The following LRRC31 variants were observed in gnomAD, a reference collection of about 807,000 sequenced individuals.
The protein encoded by LRRC31 is leucine-rich repeat-containing protein 31.
A neutral mutation model predicts 46.7 loss-of-function variants in LRRC31; 35 were observed. The observed-to-expected ratio is 0.75, with a 90% confidence interval of 0.57 to 0.99. The LOEUF (loss-of-function observed/expected upper bound fraction) is 0.99. LRRC31 is among the 50% of genes least tolerant of loss of function. The pLI is 0.00. For missense variants in LRRC31, 613 were observed against 626.1 expected, an observed-to-expected ratio of 0.98 and a Z score of 0.22; for synonymous variants, 236 against 235.1, an observed-to-expected ratio of 1.00 and a Z score of -0.03.
chr3:169,853,793 C>T (rs1025767324), intron 6 of LRRC31: 17 of 822,072 alleles, frequency 2.1e-5, no homozygotes, highest in Non-Finnish European at 2.3e-5. Context: ...ACATATTTTA[C>T]GGTCTTCCTC....
In LRRC31 at chr3:169,868,841, A is replaced by G. The variant is rs1228820032; in HGVS notation, c.175+792T>C. 2.0e-5 allele frequency among the ~76,000 whole-genome samples: 3 copies of G among 152,144 alleles called. No homozygotes were observed. The East Asian group carries it at 5.8e-4, about 29-fold the overall frequency. ...AGTCTTAAAGTCTTTAGTTTAACCC[A>G]TAAGATCACTTTAGAAGAAAACTCT... On this transcript the variant is annotated intron_variant, in intron 1 of 8. Transcript: ENST00000316428.
intron 5 of LRRC31, 125 bp from the exon 6 acceptor site, chr3:169,855,105 G>T: frequency 1.4e-6 from 1 of 715,290 alleles, no homozygotes; most frequent in Non-Finnish European, 2.3e-6. Context: ...AGCTTGGGCA[G>T]CATAGTGAGA....
intron 3 of LRRC31, among the ~76,000 whole-genome samples, chr3:169,860,231 C>CT (rs753943562): frequency 5.0e-4 from 75 of 150,386 alleles, no homozygotes; most frequent in Admixed American, 7.9e-4. Context: ...CTTTTCTTTT[C>CT]TTTTTTTTTG....
Position 169,857,343 on chromosome 3 carries a change from T to C in LRRC31, c.488-471A>G, listed in dbSNP as rs866216472. Among the ~76,000 whole-genome samples the C allele has an allele frequency of 4.3e-3, 437 of 102,428 alleles. 12 individuals carry two copies. Among genetic ancestry groups the C allele is most frequent in the African/African-American group, 0.015 (396 of 27,186 alleles). The allele number at this position is 102,428 out of a possible 152,430, so 67.2% of individuals were successfully genotyped here. ...CTATATATATATATATATATATATA[T>C]ATACACACACACACACACACACACA... On this transcript the variant is annotated intron_variant, in intron 3 of 8. Coordinates refer to ENST00000316428, the MANE Select transcript of LRRC31 (RefSeq NM_024727.4).
intron 1 of LRRC31, among the ~76,000 whole-genome samples, chr3:169,867,311 G>A (rs1035083472): frequency 2.8e-5 from 4 of 141,264 alleles, no homozygotes; most frequent in African/African-American, 8.1e-5. Context: ...GTGCAGTGGC[G>A]CAGTGGTGCA....
chr3:169,858,328 GA>G (rs1417587511), intron 3 of LRRC31, among the ~76,000 whole-genome samples: 1 of 152,170 alleles, frequency 6.6e-6, no homozygotes, highest in Non-Finnish European at 1.5e-5. Context: ...TCCCAGGGCA[GA>G]AATTTCATTT....
At chr3:169,842,362 G>GT (rs1780477058) in intron 8 of LRRC31, among the ~76,000 whole-genome samples, 1 of 151,974 alleles carries the variant, frequency 6.6e-6, no homozygotes. Flanking sequence ...TGTTGTTTTT[G>GT]TTTTTTTGAG....
In LRRC31 at chr3:169,845,311, A is replaced by T. The variant is rs149890317; in HGVS notation, c.1327+2809T>A. 1.3e-3 allele frequency among the ~76,000 whole-genome samples: 199 copies of T among 152,356 alleles called. 1 individual carries two copies. Among genetic ancestry groups the T allele is most frequent in the African/African-American group, 4.6e-3 (191 of 41,598 alleles). On this transcript the variant is annotated intron_variant, in intron 8 of 8. Coordinates refer to ENST00000316428, the MANE Select transcript of LRRC31 (RefSeq NM_024727.4). Reference sequence around the variant, plus strand: ...TGAATTGATCTATAAATTCAATGTAATCCCAATAAAATTTCCAGATGGATT... The same window carrying T: ...TGAATTGATCTATAAATTCAATGTATTCCCAATAAAATTTCCAGATGGATT...
chr3:169,840,627 A>G (rs1342948821), intron 8 of LRRC31, among the ~76,000 whole-genome samples: 1 of 152,172 alleles, frequency 6.6e-6, no homozygotes, highest in Non-Finnish European at 1.5e-5. Context: ...GTAAAGAGTG[A>G]TGGCTCATTG....
rs565413606 is a variant in LRRC31, at chr3:169,858,741, C to T, written c.487+1820G>A. Reference sequence around the variant, plus strand: ...ACTAGAGGCTGGGCATGGTGGCTCACGCCTGTAATCCTAGCACTTTGGGAG... The same window carrying T: ...ACTAGAGGCTGGGCATGGTGGCTCATGCCTGTAATCCTAGCACTTTGGGAG... On this transcript the variant is annotated intron_variant, in intron 3 of 8. Transcript: ENST00000316428. Among the ~76,000 whole-genome samples, 9 of 152,248 alleles carry T rather than the reference C, an allele frequency of 5.9e-5. No homozygotes were observed. In the East Asian group the frequency reaches 7.7e-4, roughly 13 times the overall value.
At chr3:169,859,662 G>C (rs1781085698) in intron 3 of LRRC31, among the ~76,000 whole-genome samples, 1 of 152,166 alleles carries the variant, frequency 6.6e-6, no homozygotes, top group Admixed American at 6.5e-5. Flanking sequence ...GGAGGTTCTA[G>C]TTCTAGTTAA....
At position 169,848,231 on chromosome 3, in the gene LRRC31, A is replaced by G. The variant is rs1282441591; in HGVS notation, c.1216T>C (p.Cys406Arg). Residue 406 changes from cysteine (C) to arginine (R), a missense_variant, in exon 8 of 9, where the codon TGT (cysteine) becomes CGT (arginine). Coordinates refer to ENST00000316428, the MANE Select transcript of LRRC31 (RefSeq NM_024727.4). ...LEVFNLSWNKCVGGNLKLLLE... is the reference protein window; with the variant it reads ...LEVFNLSWNKRVGGNLKLLLE... Reference sequence around the variant, plus strand: ...AGCAGCTTCAAGTTGCCACCAACACACTTGTTCCAAGAAAGGTTGAATACT... The same window carrying G: ...AGCAGCTTCAAGTTGCCACCAACACGCTTGTTCCAAGAAAGGTTGAATACT... The G allele has an allele frequency of 1.9e-6, 3 of 1,613,992 alleles. No homozygotes were observed. The highest frequency in any genetic ancestry group is 1.7e-6 in the Non-Finnish European group (2 of 1,180,004).
intron 2 of LRRC31, 130 bp downstream of exon 2, chr3:169,861,540 C>T: frequency 4.7e-6 from 4 of 852,896 alleles, no homozygotes; most frequent in Non-Finnish European, 7.0e-6. Context: ...AAAAGCGATG[C>T]TGTTTCTGCA....
chr3:169,851,289 T>C (rs567489900), intron 7 of LRRC31, among the ~76,000 whole-genome samples: 3 of 152,164 alleles, frequency 2.0e-5, no homozygotes, highest in Admixed American at 6.5e-5. Context: ...GACGTGCACC[T>C]GTGATCCCAG....
chr3:169,856,325 T>G lies in LRRC31; in HGVS notation c.823+11A>C. 6.5e-7 allele frequency: 1 copy of G among 1,535,706 alleles called. No individual in the cohort carries two copies. Among genetic ancestry groups the G allele is most frequent in the Non-Finnish European group, 8.8e-7 (1 of 1,137,434 alleles). ...TACATGTAATCTTAAATCCAGCCAT[T>G]GTTAACTCACCCAATATTTTGACAC... On this transcript the variant is annotated intron_variant, in intron 5 of 8. Transcript: ENST00000316428.
chr3:169,848,410 G>T, intron 7 of LRRC31, 123 bp from the exon 8 acceptor site: 1 of 811,944 alleles, frequency 1.2e-6, no homozygotes, highest in African/African-American at 1.7e-5. Flanking sequence ...AAGTTGTAGA[G>T]ACCATTTTCT....
At chr3:169,860,125 C>T (rs767867273) in intron 3 of LRRC31, among the ~76,000 whole-genome samples, 20 of 151,928 alleles carry the variant, frequency 1.3e-4, no homozygotes, top group Middle Eastern at 3.4e-3. Context: ...GCCTGGGCAA[C>T]AGAGTGAGCC....
intron 8 of LRRC31, among the ~76,000 whole-genome samples, chr3:169,846,450 G>A (rs954438886): frequency 2.0e-5 from 3 of 152,162 alleles, no homozygotes; most frequent in African/African-American, 7.2e-5. Context: ...AGGTGTTTGA[G>A]ACCAGCCTGG....
At chr3:169,856,144 A>C (rs1238850814) in intron 5 of LRRC31, among the ~76,000 whole-genome samples, 192 bp downstream of exon 5, 1 of 152,046 alleles carries the variant, frequency 6.6e-6, no homozygotes, top group African/African-American at 2.4e-5. Flanking sequence ...CAGCCTCCCA[A>C]AGTGCTGGGA....
Sources: gnomAD v4.1 joint callset for allele counts (sites outside exome capture counted in the v4.1 genomes callset) on GRCh38, gnomAD v4.1.1 for gene constraint, MANE v1.5 for transcripts, NCBI Gene and HGNC (gene_info 2026-07-23, HGNC 2026-07-21) for gene names.